Variants in NEGR1 observed in about 807,000 individuals in gnomAD.
NEGR1 encodes the protein IgLON family member 4.
NEGR1 carries 10 observed loss-of-function variants against 40.9 expected under a neutral mutation model. That is an observed-to-expected ratio of 0.24 (90% CI 0.15 to 0.42). The LOEUF is 0.42. NEGR1 is among the 10% of genes least tolerant of loss of function. NEGR1 has a pLI of 1.00. For synonymous variants in NEGR1, 185 were observed against 166.8 expected (o/e 1.11, Z -0.84); for missense variants, 352 against 438.9 (o/e 0.80, Z 1.77).
chr1:72,179,669 A>G (rs1388195076), intron 1 of NEGR1, among the ~76,000 whole-genome samples: 1 of 152,100 alleles, frequency 6.6e-6, no homozygotes, highest in African/African-American at 2.4e-5. Flanking sequence ...ATTTTATTCT[A>G]ATTTTTTCAA....
chr1:72,102,737 T>C (rs141724858), intron 1 of NEGR1, among the ~76,000 whole-genome samples: 50 of 152,240 alleles, frequency 3.3e-4, no homozygotes, highest in African/African-American at 1.1e-3. Context: ...TTTAGTATCA[T>C]GATACATTTA....
chr1:72,269,482 G>GA (rs1171085364), intron 1 of NEGR1, among the ~76,000 whole-genome samples: 1 of 151,672 alleles, frequency 6.6e-6, no homozygotes, highest in Non-Finnish European at 1.5e-5. Context: ...TGCGGCTTTT[G>GA]AAAGGAAATG....
intron 1 of NEGR1, among the ~76,000 whole-genome samples, chr1:72,179,482 T>C (rs112846761): frequency 4.1e-4 from 63 of 152,234 alleles, no homozygotes; most frequent in African/African-American, 1.4e-3. Flanking sequence ...AGAAATTCAT[T>C]AGCTCAGGTG....
intron 1 of NEGR1, among the ~76,000 whole-genome samples, chr1:72,231,054 A>C (rs1222058342): frequency 2.0e-5 from 3 of 152,182 alleles, no homozygotes; most frequent in Non-Finnish European, 4.4e-5. Flanking sequence ...GCCTAGATTA[A>C]CATGGCAAGT....
chr1:71,895,502 T>G (rs1304623916), intron 2 of NEGR1, among the ~76,000 whole-genome samples: 1 of 152,200 alleles, frequency 6.6e-6, no homozygotes, highest in African/African-American at 2.4e-5. Context: ...TTTTCTATCT[T>G]TATAGATTAT....
At position 71,658,236 on chromosome 1, in the gene NEGR1, G is replaced by A. The variant is rs78216194; in HGVS notation, c.667+39772C>T. On this transcript the variant is annotated intron_variant, in intron 4 of 6. Coordinates refer to ENST00000357731, the MANE Select transcript of NEGR1 (RefSeq NM_173808.3). Reference sequence around the variant, plus strand: ...CAAAATACTCAGCATAGTGTGTGACGTATAGCAATTGCCATAAGTTAAGGT... The same window carrying A: ...CAAAATACTCAGCATAGTGTGTGACATATAGCAATTGCCATAAGTTAAGGT... Among the ~76,000 whole-genome samples the A allele has an allele frequency of 1.8e-3, 272 of 152,232 alleles. 5 individuals are homozygous for A. The highest frequency in any genetic ancestry group is 8.7e-3 in the East Asian group (45 of 5,192).
intron 1 of NEGR1, among the ~76,000 whole-genome samples, chr1:72,192,710 C>T (rs1029584995): frequency 4.0e-5 from 6 of 151,800 alleles, no homozygotes; most frequent in East Asian, 1.9e-4. Context: ...TTGCATATTG[C>T]CAGATTAGAA....
In NEGR1 at chr1:72,121,123, G is replaced by A. The variant is rs533397203; in HGVS notation, c.176+161196C>T. ...TACTTTTTGTATAAAATACTTTACC[G>A]CAAATTTTACTATTTTATTGTGTTA... On this transcript the variant is annotated intron_variant, in intron 1 of 6. Transcript: ENST00000357731. 4.0e-5 allele frequency among the ~76,000 whole-genome samples: 6 copies of A among 151,788 alleles called. No individual in the cohort carries two copies. The South Asian group carries it at 6.2e-4, about 16-fold the overall frequency.
chr1:72,179,619 TCTATAAG>T (rs1652293072), intron 1 of NEGR1, among the ~76,000 whole-genome samples: 1 of 152,068 alleles, frequency 6.6e-6, no homozygotes, highest in Non-Finnish European at 1.5e-5. Flanking sequence ...TTAATAAATA[TCTATAAG>T]CATATTGACT....
At chr1:72,104,718 T>C (rs1407227375) in intron 1 of NEGR1, among the ~76,000 whole-genome samples, 3 of 152,192 alleles carry the variant, frequency 2.0e-5, no homozygotes. Flanking sequence ...TGTAGGAGCC[T>C]TGAATTTGTT....
chr1:71,825,960 C>A (rs1658606651), intron 2 of NEGR1, among the ~76,000 whole-genome samples: 1 of 151,864 alleles, frequency 6.6e-6, no homozygotes, highest in African/African-American at 2.4e-5. Flanking sequence ...TTTTACCTGT[C>A]TCTCACATAT....
At chr1:71,906,892 G>T (rs1222127379) in intron 2 of NEGR1, among the ~76,000 whole-genome samples, 1 of 152,122 alleles carries the variant, frequency 6.6e-6, no homozygotes, top group Non-Finnish European at 1.5e-5. Context: ...AATTAGAAAA[G>T]ATAGTCTTGA....
chr1:71,444,575 A>T (rs1267915999), intron 6 of NEGR1, among the ~76,000 whole-genome samples: 1 of 152,156 alleles, frequency 6.6e-6, no homozygotes, highest in Non-Finnish European at 1.5e-5. Flanking sequence ...CCATACAAAA[A>T]CAAGAAGTGG....
At chr1:72,097,661 C>T (rs1225167978) in intron 1 of NEGR1, among the ~76,000 whole-genome samples, 1 of 152,196 alleles carries the variant, frequency 6.6e-6, no homozygotes, top group East Asian at 1.9e-4. Flanking sequence ...GCAAAAGATT[C>T]ATAGAGTGGG....
chr1:71,680,377 C>T (rs1005714316), intron 4 of NEGR1, among the ~76,000 whole-genome samples: 3 of 151,998 alleles, frequency 2.0e-5, no homozygotes. Context: ...CATTCCATTT[C>T]AATTTCCCAA....
At chr1:72,076,298 T>A (rs902604100) in intron 1 of NEGR1, among the ~76,000 whole-genome samples, 5 of 152,148 alleles carry the variant, frequency 3.3e-5, no homozygotes, top group Non-Finnish European at 7.3e-5. Context: ...TTAGCTTCTT[T>A]CACGATGTGA....
chr1:71,436,162 G>A (rs1284911615), intron 6 of NEGR1, among the ~76,000 whole-genome samples: 2 of 151,348 alleles, frequency 1.3e-5, no homozygotes, highest in Non-Finnish European at 2.9e-5. Flanking sequence ...TCCAGATGTT[G>A]TACATGAATT....
intron 2 of NEGR1, among the ~76,000 whole-genome samples, chr1:71,790,830 C>A (rs1657089720): frequency 1.3e-5 from 2 of 151,848 alleles, no homozygotes. Context: ...GCACTACATA[C>A]CTTTGTATAT....
intron 6 of NEGR1, among the ~76,000 whole-genome samples, chr1:71,413,962 T>A (rs2101266651): frequency 6.6e-6 from 1 of 152,308 alleles, no homozygotes; most frequent in East Asian, 1.9e-4. Flanking sequence ...ACCAATTACT[T>A]CCCTAGAAAT....
Sources: allele counts gnomAD v4.1 joint callset (sites outside exome capture counted in the v4.1 genomes callset), GRCh38; gene constraint gnomAD v4.1.1; transcripts MANE v1.5; gene names NCBI Gene and HGNC (gene_info 2026-07-23, HGNC 2026-07-21).